CHD7: variants seen among roughly 807,000 people sequenced by gnomAD.
The protein encoded by CHD7 is chromodomain helicase DNA binding protein 7, also known as ATP-dependent chromatin remodeler CHD7.
Under a neutral mutation model 307.3 loss-of-function variants are expected in CHD7, and 24 were observed. That is an observed-to-expected ratio of 0.08 (90% confidence interval 0.06 to 0.11). CHD7 has a LOEUF of 0.11. Among genes scored for constraint, CHD7 ranks in the 10% least tolerant of loss-of-function variants. The pLI is 1.00. For synonymous variants in CHD7, 1,363 were observed against 1,349.9 expected, an observed-to-expected ratio of 1.01 and a Z score of -0.21; for missense variants, 3,106 against 3,727.1, an observed-to-expected ratio of 0.83 and a Z score of 4.34.
chr8:60,793,050 G>A (rs992180823), intron 3 of CHD7, among the ~76,000 whole-genome samples: 10 of 152,218 alleles, frequency 6.6e-5, no homozygotes, highest in South Asian at 2.1e-4. Flanking sequence ...TCATGTGACC[G>A]CTGGTTACCA....
chr8:60,732,200 C>T (rs748662642), intron 1 of CHD7, among the ~76,000 whole-genome samples: 3 of 152,208 alleles, frequency 2.0e-5, no homozygotes, highest in Non-Finnish European at 4.4e-5. Context: ...GGATTCAGTA[C>T]ACTTTTAAAC....
intron 1 of CHD7, among the ~76,000 whole-genome samples, chr8:60,723,873 G>T (rs1459483506): frequency 6.6e-6 from 1 of 152,186 alleles, no homozygotes; most frequent in African/African-American, 2.4e-5. Context: ...GCATAGTGGA[G>T]AAATTGTGGA....
At chr8:60,833,083 G>C (rs1488699289) in intron 15 of CHD7, among the ~76,000 whole-genome samples, 2 of 152,188 alleles carry the variant, frequency 1.3e-5, no homozygotes, top group South Asian at 2.1e-4. Context: ...GGCCCGTACT[G>C]TTCATTCTCA....
At chr8:60,743,130 A>G in intron 2 of CHD7, 33 bp downstream of exon 2, 3 of 1,576,160 alleles carry the variant, frequency 1.9e-6, no homozygotes, top group Non-Finnish European at 2.6e-6. Context: ...TCTGCATTGC[A>G]GTGTGAAATT....
intron 25 of CHD7, among the ~76,000 whole-genome samples, 190 bp from the exon 26 acceptor site, chr8:60,850,303 G>A (rs1805394958): frequency 1.3e-5 from 2 of 152,174 alleles, no homozygotes; most frequent in South Asian, 2.1e-4. Context: ...GTGTAACTTG[G>A]CTCCCAGTAG....
intron 1 of CHD7, among the ~76,000 whole-genome samples, chr8:60,683,538 A>C (rs1333728071): frequency 1.3e-5 from 2 of 152,266 alleles, no homozygotes; most frequent in Admixed American, 6.5e-5. Context: ...GATGTTGTCA[A>C]ATAAAAATTC....
chr8:60,835,932 T>TA, intron 15 of CHD7, 141 bp from the exon 16 acceptor site: 1 of 647,204 alleles, frequency 1.5e-6, no homozygotes, highest in Non-Finnish European at 2.7e-6. Flanking sequence ...CAACTATGAG[T>TA]AAGTGGATGG....
At chr8:60,683,176 A>G (rs904615786) in intron 1 of CHD7, among the ~76,000 whole-genome samples, 4 of 152,234 alleles carry the variant, frequency 2.6e-5, no homozygotes, top group Non-Finnish European at 5.9e-5. Flanking sequence ...TCATTAGTTC[A>G]GGAGATACTA....
chr8:60,688,436 A>G lies in CHD7; in HGVS notation c.-175+9354A>G, dbSNP rs569163394. Among the ~76,000 whole-genome samples the G allele has an allele frequency of 2.6e-5, 4 of 152,356 alleles. No individual in the cohort carries two copies. In the South Asian group the frequency reaches 6.2e-4, roughly 24 times the overall value. On this transcript the variant is annotated intron_variant, in intron 1 of 37. Coordinates refer to ENST00000423902, the MANE Select transcript of CHD7 (RefSeq NM_017780.4). Reference sequence around the variant, plus strand: ...TTTGTTTTAAAAAGTCCCTCAAACCATAATCCTACAGATGACTGGACAAGA... The same window carrying G: ...TTTGTTTTAAAAAGTCCCTCAAACCGTAATCCTACAGATGACTGGACAAGA...
chr8:60,809,668 G>GAAAAAAAAAA (rs36108691), intron 7 of CHD7: 10 of 96,334 alleles, frequency 1.0e-4, no homozygotes, highest in East Asian at 2.9e-4. Context: ...AGGGAGTTTT[G>GAAAAAAAAAA]AAAAAAAAAA....
intron 4 of CHD7, among the ~76,000 whole-genome samples, chr8:60,800,073 C>T (rs971662478): frequency 2.0e-5 from 3 of 151,926 alleles, no homozygotes; most frequent in African/African-American, 7.2e-5. Flanking sequence ...CTCTGTCGTC[C>T]AGACTGCAGT....
intron 19 of CHD7, among the ~76,000 whole-genome samples, chr8:60,841,168 G>C (rs1405985940): frequency 6.6e-6 from 1 of 152,138 alleles, no homozygotes; most frequent in East Asian, 1.9e-4. Context: ...TGCTTGACCT[G>C]GCTTCTCTCT....
chr8:60,689,612 A>G (rs1806095394), intron 1 of CHD7, among the ~76,000 whole-genome samples: 1 of 152,226 alleles, frequency 6.6e-6, no homozygotes, highest in Admixed American at 6.5e-5. Context: ...GATAGGAACA[A>G]CAAACATCAT....
At chr8:60,762,202 C>G (rs550172845) in intron 2 of CHD7, among the ~76,000 whole-genome samples, 4 of 152,344 alleles carry the variant, frequency 2.6e-5, no homozygotes, top group Admixed American at 6.5e-5. Context: ...CCTCTAACTA[C>G]TGCTCCAGGC....
chr8:60,794,331 T>A (rs1358710049), intron 3 of CHD7, among the ~76,000 whole-genome samples: 2 of 152,202 alleles, frequency 1.3e-5, no homozygotes, highest in Non-Finnish European at 2.9e-5. Flanking sequence ...TTAGGGTTGC[T>A]TTACTGTATT....
At chr8:60,691,815 T>G (rs986192161) in intron 1 of CHD7, among the ~76,000 whole-genome samples, 1 of 152,240 alleles carries the variant, frequency 6.6e-6, no homozygotes, top group Admixed American at 6.5e-5. Flanking sequence ...TGTGTTTGTT[T>G]TAGATTATTT....
At chr8:60,769,836 A>T (rs1810631659) in intron 2 of CHD7, among the ~76,000 whole-genome samples, 1 of 152,202 alleles carries the variant, frequency 6.6e-6, no homozygotes, top group Non-Finnish European at 1.5e-5. Context: ...AAGTGTGGTA[A>T]TTGGAGATGT....
At chr8:60,847,619 A>G (rs772565819) in intron 23 of CHD7, among the ~76,000 whole-genome samples, 8 of 152,204 alleles carry the variant, frequency 5.3e-5, no homozygotes, top group Non-Finnish European at 1.2e-4. Flanking sequence ...TCCTGAATGC[A>G]CACCAGGGCT....
At chr8:60,714,505 C>T (rs1480416386) in intron 1 of CHD7, among the ~76,000 whole-genome samples, 4 of 151,742 alleles carry the variant, frequency 2.6e-5, no homozygotes, top group East Asian at 2.0e-4. Flanking sequence ...ATCTCGCGCC[C>T]GTGCGCACCG....
Sources: allele counts gnomAD v4.1 joint callset (sites outside exome capture counted in the v4.1 genomes callset), GRCh38; gene constraint gnomAD v4.1.1; transcripts MANE v1.5; gene names NCBI Gene and HGNC (gene_info 2026-07-23, HGNC 2026-07-21).